Variants in KCNMB2 observed in about 807,000 individuals in gnomAD.
KCNMB2 encodes calcium-activated potassium channel subunit beta-2.
Under a neutral mutation model 24.5 loss-of-function variants are expected in KCNMB2, and 9 were observed. The ratio of observed to expected loss-of-function variants is 0.37; its 90% CI spans 0.22 to 0.64. The LOEUF (loss-of-function observed/expected upper bound fraction) is 0.64. Ranked by LOEUF, KCNMB2 falls within the 30% of genes least tolerant of loss-of-function variation. The pLI, the probability that KCNMB2 is intolerant of heterozygous loss-of-function variation, is 0.63. For missense variants in KCNMB2, 226 were observed against 284.3 expected, an observed-to-expected ratio of 0.79 and a Z score of 1.47; for synonymous variants, 109 against 104.4, an observed-to-expected ratio of 1.04 and a Z score of -0.27.
chr3:178,555,455 A>G (rs1056866939), intron 1 of KCNMB2, among the ~76,000 whole-genome samples: 1 of 152,206 alleles, frequency 6.6e-6, no homozygotes, highest in Admixed American at 6.5e-5. Flanking sequence ...CATCTATAAA[A>G]TGGGTGCTCA....
chr3:178,653,068 T>C (rs756762594), intron 1 of KCNMB2, among the ~76,000 whole-genome samples: 1 of 152,178 alleles, frequency 6.6e-6, no homozygotes, highest in Non-Finnish European at 1.5e-5. Flanking sequence ...AATTTAAGAA[T>C]TATTAACACC....
chr3:178,713,494 CT>C (rs1722518816), intron 1 of KCNMB2, among the ~76,000 whole-genome samples: 1 of 152,208 alleles, frequency 6.6e-6, no homozygotes, highest in African/African-American at 2.4e-5. Context: ...TTAGAGATTA[CT>C]TTATAGATCT....
At chr3:178,699,332 G>A (rs1214265893) in intron 1 of KCNMB2, among the ~76,000 whole-genome samples, 1 of 152,220 alleles carries the variant, frequency 6.6e-6, no homozygotes, top group Non-Finnish European at 1.5e-5. Context: ...TGGTTAGTGA[G>A]TGAAGGGGAG....
intron 1 of KCNMB2, among the ~76,000 whole-genome samples, chr3:178,732,593 A>C (rs1255188685): frequency 6.6e-6 from 1 of 152,228 alleles, no homozygotes; most frequent in Non-Finnish European, 1.5e-5. Flanking sequence ...CCAAGGTACG[A>C]AAAGGCTGTG....
intron 1 of KCNMB2, among the ~76,000 whole-genome samples, chr3:178,704,395 A>G (rs1722207728): frequency 6.6e-6 from 1 of 152,160 alleles, no homozygotes; most frequent in Non-Finnish European, 1.5e-5. Context: ...AGACTTAGAT[A>G]TCTGTCTAGA....
intron 1 of KCNMB2, among the ~76,000 whole-genome samples, chr3:178,759,782 C>CTA (rs1233713978): frequency 3.9e-4 from 5 of 12,712 alleles, no homozygotes; most frequent in African/African-American, 1.4e-3. Flanking sequence ...GAGGATATAT[C>CTA]TATATATATA....
intron 1 of KCNMB2, among the ~76,000 whole-genome samples, chr3:178,702,505 G>T (rs1365500238): frequency 1.3e-5 from 2 of 151,848 alleles, no homozygotes; most frequent in African/African-American, 4.8e-5. Context: ...GAATTTGCCT[G>T]GTTGAGTGTG....
chr3:178,660,004 TAAG>T (rs1156807787), intron 1 of KCNMB2, among the ~76,000 whole-genome samples: 1 of 152,150 alleles, frequency 6.6e-6, no homozygotes, highest in Admixed American at 6.5e-5. Context: ...CCAATAGGCC[TAAG>T]ATGAGCCCTG....
intron 1 of KCNMB2, among the ~76,000 whole-genome samples, chr3:178,572,992 TG>T (rs1332505117): frequency 6.6e-6 from 1 of 152,112 alleles, no homozygotes; most frequent in African/African-American, 2.4e-5. Context: ...ATGAACAAAA[TG>T]TGAAAATGTA....
chr3:178,631,415 T>C (rs563080726), intron 1 of KCNMB2, among the ~76,000 whole-genome samples: 7 of 152,354 alleles, frequency 4.6e-5, no homozygotes, highest in African/African-American at 1.7e-4. Context: ...TAGCTATTAA[T>C]AAAAGGACAT....
intron 1 of KCNMB2, among the ~76,000 whole-genome samples, chr3:178,625,415 C>T (rs1457622305): frequency 1.3e-5 from 2 of 152,214 alleles, no homozygotes. Flanking sequence ...CGGCCCGCCC[C>T]TAGGCCTTCA....
At chr3:178,649,645 G>T (rs1180500574) in intron 1 of KCNMB2, among the ~76,000 whole-genome samples, 4 of 152,046 alleles carry the variant, frequency 2.6e-5, no homozygotes, top group African/African-American at 9.7e-5. Flanking sequence ...AGATTTTCTA[G>T]TTTATTTGAG....
intron 1 of KCNMB2, among the ~76,000 whole-genome samples, chr3:178,789,159 A>G (rs1577189862): frequency 6.6e-6 from 1 of 152,364 alleles, no homozygotes; most frequent in East Asian, 1.9e-4. Context: ...ACAGCAGGCT[A>G]AAGGACAGGT....
At chr3:178,758,493 GAT>G (rs1165468958) in intron 1 of KCNMB2, among the ~76,000 whole-genome samples, 13 of 14,070 alleles carry the variant, frequency 9.2e-4, no homozygotes, top group Non-Finnish European at 1.2e-3. Context: ...AGAGGTGATT[GAT>G]ATATATATAT....
intron 1 of KCNMB2, chr3:178,558,576 T>C (rs936627715): frequency 6.6e-6 from 1 of 152,232 alleles, no homozygotes; most frequent in Non-Finnish European, 1.5e-5. Flanking sequence ...AAACAAACTA[T>C]AAAGAATATT....
intron 1 of KCNMB2, among the ~76,000 whole-genome samples, chr3:178,541,688 T>G (rs1038376568): frequency 6.6e-6 from 1 of 152,212 alleles, no homozygotes; most frequent in Non-Finnish European, 1.5e-5. Context: ...ATGCAGCATC[T>G]GAGACAAACA....
At chr3:178,663,751 G>A (rs1451708162) in intron 1 of KCNMB2, among the ~76,000 whole-genome samples, 1 of 152,080 alleles carries the variant, frequency 6.6e-6, no homozygotes, top group Non-Finnish European at 1.5e-5. Context: ...TATTAGCACA[G>A]AACTTTCAAA....
At chr3:178,760,636 T>C (rs1711818776) in intron 1 of KCNMB2, among the ~76,000 whole-genome samples, 1 of 151,066 alleles carries the variant, frequency 6.6e-6, no homozygotes. Context: ...AATTTTCTTT[T>C]ACAAGAAGGA....
chr3:178,819,553 G>A (rs1210636621), intron 2 of KCNMB2, among the ~76,000 whole-genome samples: 11 of 138,618 alleles, frequency 7.9e-5, no homozygotes, highest in South Asian at 2.4e-4. Context: ...TCCTCTGCCC[G>A]CTAGTCTTCC....
Sources: gnomAD v4.1 joint callset for allele counts (sites outside exome capture counted in the v4.1 genomes callset) on GRCh38, gnomAD v4.1.1 for gene constraint, MANE v1.5 for transcripts, NCBI Gene and HGNC (gene_info 2026-07-23, HGNC 2026-07-21) for gene names.